TUSC3: variants seen among roughly 807,000 people sequenced by gnomAD.
TUSC3 encodes the protein tumor suppressor candidate 3.
In TUSC3, 45 loss-of-function variants were observed where a neutral mutation model predicts 44.8. That is an observed-to-expected ratio of 1.00 (90% CI 0.79 to 1.29). TUSC3 has a LOEUF of 1.29. TUSC3 is among the 50% of genes most tolerant of loss of function. TUSC3 has a pLI of 0.00. For synonymous variants in TUSC3, 212 were observed against 152.9 expected, an observed-to-expected ratio of 1.39 and a Z score of -2.85; for missense variants, 519 against 437.9, an observed-to-expected ratio of 1.19 and a Z score of -1.65.
the TUSC3 span, among the ~76,000 whole-genome samples, chr8:15,809,716 T>C: frequency 6.6e-6 from 1 of 152,234 alleles, no homozygotes; most frequent in African/African-American, 2.4e-5. Context: ...TGTATTCACC[T>C]ATTTTCAGTG....
intron 6 of TUSC3, among the ~76,000 whole-genome samples, chr8:15,697,043 C>G (rs1809200314): frequency 6.6e-6 from 1 of 152,110 alleles, no homozygotes; most frequent in Non-Finnish European, 1.5e-5. Flanking sequence ...AACCATCTCT[C>G]TAGGTTTTCT....
At chr8:15,607,082 G>A (rs1437426261) in intron 1 of TUSC3, among the ~76,000 whole-genome samples, 1 of 152,042 alleles carries the variant, frequency 6.6e-6, no homozygotes. Flanking sequence ...ACCCTGTGCT[G>A]TTCTCTCTGA....
chr8:15,545,246 T>G (rs1483476855), intron 1 of TUSC3, among the ~76,000 whole-genome samples: 1 of 151,572 alleles, frequency 6.6e-6, no homozygotes, highest in Non-Finnish European at 1.5e-5. Context: ...AATAGATAGT[T>G]TATTACCCAG....
intron 2 of TUSC3, among the ~76,000 whole-genome samples, chr8:15,489,585 T>C (rs1221973047): frequency 1.3e-5 from 2 of 152,138 alleles, no homozygotes; most frequent in African/African-American, 2.4e-5. Flanking sequence ...CGTTTTGGGG[T>C]GAGATATTTC....
At chr8:15,450,139 A>C (rs1213943373) in intron 1 of TUSC3, among the ~76,000 whole-genome samples, 1 of 152,200 alleles carries the variant, frequency 6.6e-6, no homozygotes, top group Non-Finnish European at 1.5e-5. Flanking sequence ...CATGTATAAA[A>C]AAAGTGTGAG....
chr8:15,448,469 CTT>C (rs961533539), intron 1 of TUSC3, among the ~76,000 whole-genome samples: 2 of 152,022 alleles, frequency 1.3e-5, no homozygotes, highest in African/African-American at 4.8e-5. Flanking sequence ...ATCAGCATAA[CTT>C]TTGGAGATTT....
At chr8:15,769,146 T>C (rs1221949551), downstream of TUSC3, among the ~76,000 whole-genome samples, 1 of 152,126 alleles carries the variant, frequency 6.6e-6, no homozygotes. Flanking sequence ...AGAACAAAGC[T>C]GAAGGCATCA....
chr8:15,451,712 G>A (rs1800198999), intron 1 of TUSC3, among the ~76,000 whole-genome samples: 1 of 152,158 alleles, frequency 6.6e-6, no homozygotes, highest in South Asian at 2.1e-4. Context: ...GCACAGGTGA[G>A]AACCTGGGCT....
intron 1 of TUSC3, among the ~76,000 whole-genome samples, chr8:15,611,747 T>G (rs1804770747): frequency 6.6e-6 from 1 of 152,172 alleles, no homozygotes; most frequent in Non-Finnish European, 1.5e-5. Context: ...GTTTGTAATG[T>G]AGATGAGGTG....
chr8:15,422,934 C>T (rs1030280536), intron 1 of TUSC3, among the ~76,000 whole-genome samples: 11 of 152,048 alleles, frequency 7.2e-5, no homozygotes, highest in African/African-American at 1.9e-4. Flanking sequence ...TGAGCCACTG[C>T]GTCCACCCAG....
intron 5 of TUSC3, among the ~76,000 whole-genome samples, chr8:15,663,107 A>G (rs1807498632): frequency 6.6e-6 from 1 of 151,826 alleles, no homozygotes; most frequent in Non-Finnish European, 1.5e-5. Context: ...ACACAAAACA[A>G]TTCAGTTATA....
chr8:15,717,110 A>G (rs927526757), intron 6 of TUSC3, among the ~76,000 whole-genome samples: 2 of 152,132 alleles, frequency 1.3e-5, no homozygotes, highest in Non-Finnish European at 2.9e-5. Flanking sequence ...AAACAACGCT[A>G]TGACATTATA....
chr8:15,652,284 G>C (rs13279752), intron 3 of TUSC3, among the ~76,000 whole-genome samples: 26,221 of 152,100 alleles, frequency 0.17, 2,317 homozygotes, highest in South Asian at 0.29. Context: ...CCTACTAATT[G>C]TATATCACCA....
At chr8:15,739,402 G>A (rs1811091340) in intron 7 of TUSC3, among the ~76,000 whole-genome samples, 2 of 152,078 alleles carry the variant, frequency 1.3e-5, no homozygotes, top group South Asian at 4.1e-4. Flanking sequence ...TGAGGTTTTT[G>A]ACATGCTGAA....
chr8:15,831,591 T>C, the TUSC3 span, among the ~76,000 whole-genome samples: 1 of 152,060 alleles, frequency 6.6e-6, no homozygotes, highest in Non-Finnish European at 1.5e-5. Flanking sequence ...AAATAGCCAG[T>C]ATAGAAAAGA....
chr8:15,736,325 A>G (rs1810935589), intron 7 of TUSC3, among the ~76,000 whole-genome samples: 1 of 152,256 alleles, frequency 6.6e-6, no homozygotes, highest in Admixed American at 6.5e-5. Flanking sequence ...GGCTTGAGGC[A>G]CATGGATCTT....
intron 1 of TUSC3, among the ~76,000 whole-genome samples, chr8:15,613,556 T>A (rs1457080244): frequency 6.6e-6 from 1 of 152,180 alleles, no homozygotes; most frequent in Non-Finnish European, 1.5e-5. Flanking sequence ...TGCTGCCATG[T>A]TAAGATGTCC....
In TUSC3 at chr8:15,670,267, T is replaced by C. The variant is rs572495689; in HGVS notation, c.709-3480T>C. ...GTAATGAATAGAATAGTTGAGACAA[T>C]ATGAAGGAAGAATAATGCTGGAGAA... On this transcript the variant is annotated intron_variant, in intron 5 of 10. Coordinates refer to ENST00000503731, the MANE Select transcript of TUSC3 (RefSeq NM_006765.4). 2.6e-5 allele frequency among the ~76,000 whole-genome samples: 4 copies of C among 151,866 alleles called. No individual in the cohort carries two copies. In the South Asian group the frequency reaches 8.3e-4, roughly 31 times the overall value.
chr8:15,556,381 A>G (rs1159059846), intron 1 of TUSC3, among the ~76,000 whole-genome samples: 1 of 150,590 alleles, frequency 6.6e-6, no homozygotes. Flanking sequence ...TATGTGCCAC[A>G]TTTTCTTAAT....
Sources: gnomAD v4.1 joint callset for allele counts (sites outside exome capture counted in the v4.1 genomes callset) on GRCh38, gnomAD v4.1.1 for gene constraint, MANE v1.5 for transcripts, NCBI Gene and HGNC (gene_info 2026-07-23, HGNC 2026-07-21) for gene names.